Variants in IL1RAPL2 observed in about 807,000 individuals in gnomAD.
IL1RAPL2 encodes the protein interleukin 1 receptor accessory protein like 2, also known as X-linked interleukin-1 receptor accessory protein-like 2.
IL1RAPL2 carries 3 observed loss-of-function variants against 44.1 expected under a neutral mutation model. That is an observed-to-expected ratio of 0.07 (90% confidence interval 0.03 to 0.18). The LOEUF (loss-of-function observed/expected upper bound fraction) is 0.18. Ranked by LOEUF, IL1RAPL2 falls within the 10% of genes least tolerant of loss-of-function variation. The pLI is 1.00. For missense variants in IL1RAPL2, 391 were observed against 496.4 expected (o/e 0.79, Z 2.02); for synonymous variants, 181 against 178.8 (o/e 1.01, Z -0.10).
At chrX:105,427,757 A>G (rs1197949495) in intron 5 of IL1RAPL2, among the ~76,000 whole-genome samples, 4 of 112,010 alleles carry the variant, frequency 3.6e-5, no homozygotes, top group African/African-American at 1.3e-4. Flanking sequence ...ACATGTGTAG[A>G]TGAGATTTAG....
At chrX:104,760,663 C>T (rs937964406) in intron 2 of IL1RAPL2, among the ~76,000 whole-genome samples, 9 of 110,938 alleles carry the variant, frequency 8.1e-5, no homozygotes, top group African/African-American at 3.0e-4. Flanking sequence ...AGTTTGAACT[C>T]CTTCTATTTT....
intron 2 of IL1RAPL2, among the ~76,000 whole-genome samples, chrX:104,795,026 A>T (rs941093006): frequency 8.9e-6 from 1 of 111,871 alleles, no homozygotes; most frequent in Admixed American, 9.5e-5. Flanking sequence ...TGATAAAAAC[A>T]TGGCCTTTAT....
At chrX:104,661,148 G>A (rs987696439) in intron 2 of IL1RAPL2, among the ~76,000 whole-genome samples, 1 of 111,195 alleles carries the variant, frequency 9.0e-6, no homozygotes, top group African/African-American at 3.3e-5. Context: ...CAGCTTCATT[G>A]AAGAAACATT....
At chrX:104,773,627 T>A (rs978148676) in intron 2 of IL1RAPL2, among the ~76,000 whole-genome samples, 4 of 111,695 alleles carry the variant, frequency 3.6e-5, no homozygotes, top group Non-Finnish European at 5.6e-5. Context: ...ACAATGAAAC[T>A]TCAGTGGACA....
At chrX:105,062,917 C>T (rs1241893431) in intron 2 of IL1RAPL2, among the ~76,000 whole-genome samples, 1 of 110,877 alleles carries the variant, frequency 9.0e-6, no homozygotes, top group African/African-American at 3.3e-5. Flanking sequence ...AGGTAGTTTT[C>T]TTTGGGTTAG....
intron 2 of IL1RAPL2, among the ~76,000 whole-genome samples, chrX:104,869,052 T>A (rs1426362379): frequency 8.9e-6 from 1 of 111,966 alleles, no homozygotes; most frequent in Non-Finnish European, 1.9e-5. Context: ...AAATGTCAAC[T>A]TTTCTTGGGC....
intron 2 of IL1RAPL2, among the ~76,000 whole-genome samples, chrX:104,848,434 T>TATAA (rs1922123954): frequency 1.0e-5 from 1 of 96,467 alleles, no homozygotes; most frequent in Non-Finnish European, 2.0e-5. Context: ...TATATATATA[T>TATAA]ATATATATAT....
chrX:105,080,797 C>G (rs942959242), intron 2 of IL1RAPL2, among the ~76,000 whole-genome samples: 9 of 111,740 alleles, frequency 8.1e-5, no homozygotes, highest in Non-Finnish European at 1.5e-4. Flanking sequence ...AATCTATAAA[C>G]TACTTTGGTC....
chrX:105,011,818 T>A (rs2031053306), intron 2 of IL1RAPL2, among the ~76,000 whole-genome samples: 1 of 110,651 alleles, frequency 9.0e-6, no homozygotes, highest in African/African-American at 3.3e-5. Flanking sequence ...CTTGGGTATA[T>A]ATCTAGGAGT....
At chrX:105,502,168 A>G (rs1451080014) in intron 6 of IL1RAPL2, among the ~76,000 whole-genome samples, 1 of 112,249 alleles carries the variant, frequency 8.9e-6, no homozygotes, top group Non-Finnish European at 1.9e-5. Flanking sequence ...AATTCTTGTA[A>G]TCAGAAAGTT....
At chrX:104,741,669 G>A (rs1932103522) in intron 2 of IL1RAPL2, among the ~76,000 whole-genome samples, 1 of 110,517 alleles carries the variant, frequency 9.0e-6, no homozygotes, top group Non-Finnish European at 1.9e-5. Context: ...GTCAACCAGA[G>A]AGCAAAGAAG....
At chrX:105,412,258 T>C (rs948186788) in intron 5 of IL1RAPL2, among the ~76,000 whole-genome samples, 1 of 107,451 alleles carries the variant, frequency 9.3e-6, no homozygotes, top group African/African-American at 3.3e-5. Flanking sequence ...AGCCAAGATA[T>C]AGAATCAACC....
intron 3 of IL1RAPL2, among the ~76,000 whole-genome samples, chrX:105,203,763 G>A (rs2033737404): frequency 9.0e-6 from 1 of 111,414 alleles, no homozygotes; most frequent in African/African-American, 3.3e-5. Flanking sequence ...TTCTTTACCT[G>A]ACTTCCAGAG....
chrX:104,649,650 A>T (rs1480332003), intron 1 of IL1RAPL2, among the ~76,000 whole-genome samples: 1 of 111,848 alleles, frequency 8.9e-6, no homozygotes, highest in African/African-American at 3.2e-5. Flanking sequence ...CCTTGTGAAG[A>T]TATCAAAATT....
At chrX:104,783,589 G>A in intron 2 of IL1RAPL2, among the ~76,000 whole-genome samples, 1 of 110,052 alleles carries the variant, frequency 9.1e-6, no homozygotes, top group African/African-American at 3.3e-5. Context: ...GGCTGCTGGT[G>A]GCTGTTTGTA....
intron 3 of IL1RAPL2, among the ~76,000 whole-genome samples, chrX:105,227,862 T>C (rs1163245460): frequency 4.4e-5 from 5 of 112,365 alleles, no homozygotes; most frequent in African/African-American, 1.6e-4. Flanking sequence ...TAAGGTAAAA[T>C]ATACATATGT....
chrX:105,616,068 A>G (rs2037374506), intron 6 of IL1RAPL2, among the ~76,000 whole-genome samples: 1 of 112,373 alleles, frequency 8.9e-6, no homozygotes, highest in Non-Finnish European at 1.9e-5. Flanking sequence ...TATCTTATCA[A>G]TGTTAAATTC....
At chrX:104,578,681 T>G (rs1005539132) in intron 1 of IL1RAPL2, among the ~76,000 whole-genome samples, 1 of 111,093 alleles carries the variant, frequency 9.0e-6, no homozygotes, top group South Asian at 3.8e-4. Context: ...CTTATTGAGA[T>G]TTTCAGCAGG....
intron 5 of IL1RAPL2, among the ~76,000 whole-genome samples, chrX:105,451,416 A>G (rs769939456): frequency 4.5e-5 from 5 of 112,018 alleles, no homozygotes; most frequent in Non-Finnish European, 9.4e-5. Flanking sequence ...TACTATTTCA[A>G]AGGACTGTGA....
Sources: allele counts gnomAD v4.1 joint callset (sites outside exome capture counted in the v4.1 genomes callset), GRCh38; gene constraint gnomAD v4.1.1; transcripts MANE v1.5; gene names NCBI Gene and HGNC (gene_info 2026-07-23, HGNC 2026-07-21).